SPEF2: variants seen among roughly 807,000 people sequenced by gnomAD.
The protein encoded by SPEF2 is sperm flagella and cilia-associated protein 2.
SPEF2 carries 187 observed loss-of-function variants against 224.6 expected under a neutral mutation model. That is an observed-to-expected ratio of 0.83 (90% confidence interval 0.74 to 0.94). The LOEUF (loss-of-function observed/expected upper bound fraction) is 0.94, where lower values mean the gene tolerates loss of function less well. Among genes scored for constraint, SPEF2 ranks in the 40% least tolerant of loss-of-function variants. The pLI, the probability that SPEF2 is intolerant of heterozygous loss-of-function variation, is 0.00. For missense variants in SPEF2, 2,170 were observed against 2,135.6 expected, an observed-to-expected ratio of 1.02 and a Z score of -0.32; for synonymous variants, 715 against 707.3, an observed-to-expected ratio of 1.01 and a Z score of -0.17.
At chr5:35,644,596 C>A in intron 4 of SPEF2, 71 bp downstream of exon 4, 1 of 1,214,938 alleles carries the variant, frequency 8.2e-7, no homozygotes, top group South Asian at 1.9e-5. Flanking sequence ...GCGTATAGTA[C>A]ACATTGCATA....
chr5:35,683,581 C>T (rs1239479585), intron 10 of SPEF2, among the ~76,000 whole-genome samples: 8 of 152,170 alleles, frequency 5.3e-5, no homozygotes, highest in African/African-American at 1.4e-4. Context: ...GCCAAGATCG[C>T]GCTACTGCAC....
intron 6 of SPEF2, among the ~76,000 whole-genome samples, chr5:35,653,975 A>G (rs560841979): frequency 6.7e-6 from 1 of 148,490 alleles, no homozygotes; most frequent in African/African-American, 2.5e-5. Context: ...AAGTAAAATA[A>G]CAGGCTGGGC....
At chr5:35,660,937 A>G (rs147373863) in intron 8 of SPEF2, among the ~76,000 whole-genome samples, 2,188 of 151,944 alleles carry the variant, frequency 0.014, 23 homozygotes, top group Admixed American at 0.024. Context: ...AAAAAATTAT[A>G]TTTCTTCCTC....
Position 35,779,160 on chromosome 5 carries a change from T to C in SPEF2, c.4261T>C (p.Ser1421Pro). ...TDVARYHIETSTKIQNELYLS... is the reference protein window; with the variant it reads ...TDVARYHIETPTKIQNELYLS... Reference sequence around the variant, plus strand: ...CGTAGCTCGCTATCACATTGAAACATCTACAAAAATTCAGAATGAACTTTA... The same window carrying C: ...CGTAGCTCGCTATCACATTGAAACACCTACAAAAATTCAGAATGAACTTTA... The change falls in exon 30 of 37, where the codon TCT becomes CCT. Residue 1421 changes from serine to proline, a missense_variant. Ser to Pro is a moderately conservative substitution (Grantham distance 74, BLOSUM62 -1). Coordinates refer to ENST00000356031, the MANE Select transcript of SPEF2 (RefSeq NM_024867.4). 5 of 1,613,792 alleles carry C rather than the reference T, an allele frequency of 3.1e-6. No individual in the cohort carries two copies. The highest frequency in any genetic ancestry group is 4.2e-6 in the Non-Finnish European group (5 of 1,179,854).
intron 34 of SPEF2, among the ~76,000 whole-genome samples, chr5:35,801,079 C>G (rs767420596): frequency 6.6e-6 from 1 of 152,176 alleles, no homozygotes; most frequent in Non-Finnish European, 1.5e-5. Flanking sequence ...AGGCCAGATA[C>G]ATATCTAATG....
intron 2 of SPEF2, among the ~76,000 whole-genome samples, chr5:35,631,482 A>G (rs1206969348): frequency 6.6e-6 from 1 of 152,256 alleles, no homozygotes; most frequent in Non-Finnish European, 1.5e-5. Context: ...TGATAAGGAC[A>G]TGGAGAAATC....
intron 17 of SPEF2, among the ~76,000 whole-genome samples, chr5:35,705,159 C>T (rs1241871727): frequency 3.3e-5 from 5 of 152,020 alleles, no homozygotes; most frequent in Non-Finnish European, 7.4e-5. Flanking sequence ...ATTTGAGCTA[C>T]ATTAAGGCTG....
At chr5:35,789,629 C>T (rs1189006972) in intron 30 of SPEF2, 6 of 629,420 alleles carry the variant, frequency 9.5e-6, no homozygotes, top group Non-Finnish European at 8.4e-6. Context: ...AAGGCTGTTT[C>T]AGAGATGCCA....
intron 16 of SPEF2, among the ~76,000 whole-genome samples, chr5:35,701,582 T>A (rs1738649473): frequency 6.6e-6 from 1 of 152,180 alleles, no homozygotes; most frequent in Non-Finnish European, 1.5e-5. Flanking sequence ...CTTGGACCCT[T>A]GGGGGTACCT....
rs201499381 is a variant in SPEF2, at chr5:35,793,205, A to G, written c.4601A>G (p.Asp1534Gly). The change falls in exon 32 of 37, where the codon GAC becomes GGC. Residue 1534 changes from aspartate (D) to glycine (G), a missense_variant. By Grantham distance (94) the Asp-to-Gly change is moderately conservative. Transcript: ENST00000356031. ...TTAACAGTCAACTCCGAGTTCGTGG[A>G]CTGGCGGAAGTTCCTGTTAGTAACC... is the stretch of plus-strand genomic sequence containing the variant. ...SLLTVNSEFV[D>G]WRKFLLVTSM... 9 of 1,614,052 alleles carry G rather than the reference A, an allele frequency of 5.6e-6. No homozygotes were observed. The highest frequency in any genetic ancestry group is 7.6e-6 in the Non-Finnish European group (9 of 1,180,022).
rs750494919 is a variant in SPEF2, at chr5:35,776,367, G to T, written c.4189G>T (p.Gly1397Cys). The T allele has an allele frequency of 8.1e-6, 13 of 1,609,496 alleles. No individual in the cohort carries two copies. In the South Asian group the frequency reaches 1.2e-4, roughly 15 times the overall value. The change falls in exon 29 of 37, where the codon GGT (glycine) becomes TGT (cysteine). Residue 1397 changes from glycine to cysteine, a missense_variant. Coordinates refer to ENST00000356031, the MANE Select transcript of SPEF2 (RefSeq NM_024867.4). ...ATATAAACTCATGGAAAAATGGCTT[G>T]GTGAGAGGTATTTGAATGAAATGGC... Reference protein sequence around the residue: ...DVYKLMEKWLGERYLNEMAST... With the variant: ...DVYKLMEKWLCERYLNEMAST...
intron 9 of SPEF2, among the ~76,000 whole-genome samples, chr5:35,668,717 G>A (rs1404899019): frequency 1.3e-5 from 2 of 151,924 alleles, no homozygotes; most frequent in African/African-American, 4.8e-5. Context: ...CATTTTATCT[G>A]TTTCTATCCT....
chr5:35,774,143 T>C (rs991746172), intron 28 of SPEF2, 122 bp downstream of exon 28: 2 of 1,309,336 alleles, frequency 1.5e-6, no homozygotes, highest in Non-Finnish European at 2.1e-6. Flanking sequence ...GCAAAGAGGT[T>C]GAAAAGCACA....
intron 7 of SPEF2, among the ~76,000 whole-genome samples, chr5:35,657,885 C>T (rs568903243): frequency 6.6e-6 from 1 of 152,306 alleles, no homozygotes; most frequent in Non-Finnish European, 1.5e-5. Flanking sequence ...CCAGGCCCTT[C>T]CCTCACTTCT....
intron 27 of SPEF2, among the ~76,000 whole-genome samples, chr5:35,772,070 A>G (rs577712783): frequency 1.3e-5 from 2 of 152,342 alleles, no homozygotes; most frequent in Admixed American, 6.5e-5. Context: ...AAAGGCTAAC[A>G]CTGCAGTAAC....
At chr5:35,740,846 G>A (rs1747490821) in intron 23 of SPEF2, among the ~76,000 whole-genome samples, 1 of 152,092 alleles carries the variant, frequency 6.6e-6, no homozygotes, top group Non-Finnish European at 1.5e-5. Flanking sequence ...TGTACAAAAA[G>A]CCTGATTTCA....
At chr5:35,644,716 ACT>A (rs10539928) in intron 4 of SPEF2, among the ~76,000 whole-genome samples, 191 bp downstream of exon 4, 90,364 of 151,416 alleles carry the variant, frequency 0.6, 27,508 homozygotes, top group East Asian at 0.73. Context: ...ACTCTTGCTG[ACT>A]CTCACCTCTA....
intron 32 of SPEF2, among the ~76,000 whole-genome samples, chr5:35,794,782 T>G (rs1756439916): frequency 6.6e-6 from 1 of 152,210 alleles, no homozygotes; most frequent in African/African-American, 2.4e-5. Context: ...GAAAACTATT[T>G]TACCAAAGGT....
At chr5:35,779,446 T>C in intron 30 of SPEF2, 100 bp downstream of exon 30, 1 of 835,684 alleles carries the variant, frequency 1.2e-6, no homozygotes, top group Non-Finnish European at 1.9e-6. Context: ...TATGGGATCA[T>C]GTGGCACTAA....
Sources: gnomAD v4.1 joint callset for allele counts (sites outside exome capture counted in the v4.1 genomes callset) on GRCh38, gnomAD v4.1.1 for gene constraint, MANE v1.5 for transcripts, NCBI Gene and HGNC (gene_info 2026-07-23, HGNC 2026-07-21) for gene names.